Variants in POLR2D observed in about 807,000 individuals in gnomAD.
POLR2D encodes RNA polymerase II subunit D.
In POLR2D, 10 loss-of-function variants were observed where a neutral mutation model predicts 17.6. The ratio of observed to expected loss-of-function variants is 0.57; its 90% CI spans 0.35 to 0.96. POLR2D has a LOEUF of 0.96. Ranked by LOEUF, POLR2D falls within the 40% of genes least tolerant of loss-of-function variation. The probability of loss-of-function intolerance (pLI) is 0.02; values close to 1 mark genes in which losing one functional copy is unlikely to be tolerated. For missense variants in POLR2D, 126 were observed against 176.4 expected (o/e 0.71, Z 1.62); for synonymous variants, 52 against 60.2 (o/e 0.86, Z 0.63).
In POLR2D at chr2:127,848,190, A is replaced by G. The variant is rs753229137; in HGVS notation, c.351-5T>C. On this transcript the variant is annotated splice_polypyrimidine_tract_variant and splice_region_variant and intron_variant, in intron 3 of 3. Coordinates refer to ENST00000272645, the MANE Select transcript of POLR2D (RefSeq NM_004805.4). ...TCTTCAAACCGTCCCTCCAAGCTACAAGAAAATGAAAAGAAATGAGTGATT... is the reference window on the plus strand; with the variant it reads ...TCTTCAAACCGTCCCTCCAAGCTACGAGAAAATGAAAAGAAATGAGTGATT... The G allele has an allele frequency of 1.3e-6, 2 of 1,599,796 alleles. No homozygotes were observed. The highest frequency in any genetic ancestry group is 1.7e-5 in the Admixed American group (1 of 58,440).
intron 1 of POLR2D, 178 bp downstream of exon 1, chr2:127,857,850 G>T: frequency 7.6e-7 from 1 of 1,322,962 alleles, no homozygotes; most frequent in Non-Finnish European, 9.6e-7. Flanking sequence ...AGTTGCCCAG[G>T]CGGTCCCTCC....
At chr2:127,848,879 C>T (rs901265373) in intron 3 of POLR2D, among the ~76,000 whole-genome samples, 17 of 152,056 alleles carry the variant, frequency 1.1e-4, no homozygotes, top group African/African-American at 4.1e-4. Flanking sequence ...AGGCTGGTCT[C>T]GAACTCCTGA....
chr2:127,849,509 T>C (rs1690212644), intron 3 of POLR2D, among the ~76,000 whole-genome samples: 1 of 152,230 alleles, frequency 6.6e-6, no homozygotes, highest in Non-Finnish European at 1.5e-5. Flanking sequence ...CACTACACAT[T>C]TATGGATACG....
chr2:127,857,713 G>T, intron 1 of POLR2D: 1 of 805,238 alleles, frequency 1.2e-6, no homozygotes, highest in Non-Finnish European at 1.6e-6. Context: ...GGTTCACGCT[G>T]GGCTCTTTTC....
chr2:127,851,760 G>A (rs958988321), intron 2 of POLR2D, among the ~76,000 whole-genome samples: 2 of 151,948 alleles, frequency 1.3e-5, no homozygotes, highest in Non-Finnish European at 2.9e-5. Context: ...TCTATCTATA[G>A]GCTGGACATG....
chr2:127,856,580 C>G (rs1302142599), intron 1 of POLR2D, among the ~76,000 whole-genome samples: 1 of 150,210 alleles, frequency 6.7e-6, no homozygotes, highest in Non-Finnish European at 1.5e-5. Flanking sequence ...GAGTGAAACC[C>G]TATCTCAAAA....
At position 127,853,027 on chromosome 2, in the gene POLR2D, G is replaced by A; in HGVS notation, c.152C>T (p.Ala51Val). Reference protein sequence around the residue: ...LEHRKQQNESAEDEQELSEVF... With the variant: ...LEHRKQQNESVEDEQELSEVF... The stretch of plus-strand genomic sequence containing the variant: ...TTCTGAGAGCTCCTGTTCGTCCTCT[G>A]CACTCTCATTCTGCTGCTTTCGATG... Residue 51 changes from alanine to valine, a missense_variant, in exon 2 of 4, where the codon GCA becomes GTA. Ala to Val is a moderately conservative substitution (Grantham distance 64). Coordinates refer to ENST00000272645, the MANE Select transcript of POLR2D (RefSeq NM_004805.4). 1 of 1,613,052 alleles carries A rather than the reference G, an allele frequency of 6.2e-7. No homozygotes were observed. The highest frequency in any genetic ancestry group is 1.1e-5 in the South Asian group (1 of 91,062).
intron 3 of POLR2D, among the ~76,000 whole-genome samples, chr2:127,848,547 T>C (rs1354534506): frequency 1.3e-5 from 2 of 151,904 alleles, no homozygotes; most frequent in Non-Finnish European, 2.9e-5. Flanking sequence ...AACGGAGTCT[T>C]GCTCTGTCGC....
At position 127,845,898 on chromosome 2, in the gene POLR2D, G is replaced by A. The variant is rs999804563; in HGVS notation, c.*2209C>T. On this transcript the variant is annotated 3_prime_UTR_variant, in exon 4 of 4. Coordinates refer to ENST00000272645, the MANE Select transcript of POLR2D (RefSeq NM_004805.4). Reference sequence around the variant, plus strand: ...TCAACCTTCTCAAAATACCCATGGGGCAGATACTATTATCCATATTTCACA... The same window carrying A: ...TCAACCTTCTCAAAATACCCATGGGACAGATACTATTATCCATATTTCACA... 6.6e-6 allele frequency: 1 copy of A among 152,116 alleles called. No homozygotes were observed. The highest frequency in any genetic ancestry group is 2.4e-5 in the African/African-American group (1 of 41,406). The allele number at this position is 152,116 out of a possible 1,614,324, so 9.4% of individuals were successfully genotyped here.
rs1445737155 is a variant in POLR2D, at chr2:127,858,148, C to G, written c.-48G>C. On this transcript the variant is annotated 5_prime_UTR_variant, in exon 1 of 4. Transcript: ENST00000272645. ...CCACCAGCGCCGCCGGAAGCAGAAG[C>G]GCGGAGCAACGGCCGCGGAAGGGGC... 5 of 1,354,070 alleles carry G rather than the reference C, an allele frequency of 3.7e-6. No individual in the cohort carries two copies. Among genetic ancestry groups the G allele is most frequent in the Admixed American group, 3.6e-5 (1 of 27,586 alleles). The allele number at this position is 1,354,070 out of a possible 1,614,324, so 83.9% of individuals were successfully genotyped here.
rs550199982 is a variant in POLR2D, at chr2:127,852,101, T to G, written c.254+824A>C. Among the ~76,000 whole-genome samples, 110 of 152,110 alleles carry G rather than the reference T, an allele frequency of 7.2e-4. No homozygotes were observed. Among genetic ancestry groups the G allele is most frequent in the Non-Finnish European group, 1.4e-3 (98 of 68,020 alleles). On this transcript the variant is annotated intron_variant, in intron 2 of 3. Transcript: ENST00000272645. The surrounding 1 kb of genome is among the most constrained non-coding windows in gnomAD (Gnocchi z 4.0). ...ACTGCACCCGGCCAATCCCAGCACT[T>G]TGGGGGGCTAAGGTTGGAGGATCAA...
Position 127,847,685 on chromosome 2 carries a change from T to C in POLR2D, c.*422A>G, listed in dbSNP as rs1262834915. ...ACTAACAGCGGTTTAATTCTTCCTT[T>C]AGTATCTAGGTAAAACTGGTCTTTC... On this transcript the variant is annotated 3_prime_UTR_variant, in exon 4 of 4. Coordinates refer to ENST00000272645, the MANE Select transcript of POLR2D (RefSeq NM_004805.4). 2 of 173,756 alleles carry C rather than the reference T, an allele frequency of 1.2e-5. No homozygotes were observed. The highest frequency in any genetic ancestry group is 1.1e-4 in the Admixed American group (2 of 18,052). The allele number at this position is 173,756 out of a possible 1,614,324, so 10.8% of individuals were successfully genotyped here.
In POLR2D at chr2:127,851,275, C is replaced by T. The variant is rs111865448; in HGVS notation, c.255-590G>A. Among the ~76,000 whole-genome samples the T allele has an allele frequency of 6.0e-3, 907 of 151,970 alleles. 7 individuals carry two copies. The highest frequency in any genetic ancestry group is 0.021 in the African/African-American group (854 of 41,456). The stretch of plus-strand genomic sequence containing the variant: ...AAAACAAAAAACTAAAAAAATTAGC[C>T]GGGTGTGGTGGTGTGTGTCTGTAGT... On this transcript the variant is annotated intron_variant, in intron 2 of 3. Transcript: ENST00000272645.
intron 1 of POLR2D, among the ~76,000 whole-genome samples, chr2:127,853,864 G>C (rs535189376): frequency 6.6e-6 from 1 of 152,246 alleles, no homozygotes; most frequent in African/African-American, 2.4e-5. Flanking sequence ...AGGCACAGTG[G>C]AGTTCACGAG....
rs1280799241 is a variant in POLR2D, at chr2:127,852,296, A to G, written c.254+629T>C. 6.6e-6 allele frequency among the ~76,000 whole-genome samples: 1 copy of G among 152,222 alleles called. No homozygotes were observed. On this transcript the variant is annotated intron_variant, in intron 2 of 3. Coordinates refer to ENST00000272645, the MANE Select transcript of POLR2D (RefSeq NM_004805.4). The surrounding 1 kb of genome is among the most constrained non-coding windows in gnomAD (Gnocchi z 4.0). Reference sequence around the variant, plus strand: ...TTTGAATCTGTTCCCAGACTGGAGTACAGTGGCACAATCACAGCTCACTAA... The same window carrying G: ...TTTGAATCTGTTCCCAGACTGGAGTGCAGTGGCACAATCACAGCTCACTAA...
At chr2:127,857,990 G>A in intron 1 of POLR2D, 38 bp downstream of exon 1, 6 of 1,571,210 alleles carry the variant, frequency 3.8e-6, no homozygotes, top group Non-Finnish European at 3.4e-6. Context: ...GCGACCACGC[G>A]AAGTGGCGCG....
chr2:127,847,901 C>G lies in POLR2D; in HGVS notation c.*206G>C. Reference sequence around the variant, plus strand: ...TTCAGGAAGCCACTGGCTGCCACTGCACAAGGCTGCTCCAAGATTCCATGT... The same window carrying G: ...TTCAGGAAGCCACTGGCTGCCACTGGACAAGGCTGCTCCAAGATTCCATGT... On this transcript the variant is annotated 3_prime_UTR_variant, in exon 4 of 4. Transcript: ENST00000272645. 1.7e-6 allele frequency: 1 copy of G among 594,200 alleles called. No individual in the cohort carries two copies. 36.8% of individuals were successfully genotyped at this position (594,200 alleles called of 1,614,324 possible).
chr2:127,844,530 A>G lies in POLR2D; in HGVS notation c.*3577T>C, dbSNP rs1211164850. On this transcript the variant is annotated 3_prime_UTR_variant, in exon 4 of 4. Transcript: ENST00000272645. ...AAGGTCTCCTAATAGCTATTTTTCA[A>G]TAGCAATATGCTGTCCAGCCCTGTA... is the stretch of plus-strand genomic sequence containing the variant. The G allele has an allele frequency of 6.6e-6, 1 of 152,230 alleles. No individual in the cohort carries two copies. The highest frequency in any genetic ancestry group is 1.5e-5 in the Non-Finnish European group (1 of 68,056). The allele number at this position is 152,230 out of a possible 1,614,324, so 9.4% of individuals were successfully genotyped here.
rs910308897 is a variant in POLR2D, at chr2:127,843,874, G to T, written c.*4233C>A. ...CTCTAATCTCAGCATTTGGGAGGCG[G>T]AAACAGGTGGACTGCTAGAGGTCAG... On this transcript the variant is annotated 3_prime_UTR_variant, in exon 4 of 4. Coordinates refer to ENST00000272645, the MANE Select transcript of POLR2D (RefSeq NM_004805.4). 4 of 153,572 alleles carry T rather than the reference G, an allele frequency of 2.6e-5. No homozygotes were observed. Among genetic ancestry groups the T allele is most frequent in the African/African-American group, 9.7e-5 (4 of 41,362 alleles). The allele number at this position is 153,572 out of a possible 1,614,324, so 9.5% of individuals were successfully genotyped here. A position where few individuals can be genotyped will look rare whatever the true frequency, so the allele number is the denominator to read the frequency against.
Sources: allele counts gnomAD v4.1 joint callset (sites outside exome capture counted in the v4.1 genomes callset), GRCh38; gene constraint gnomAD v4.1.1; non-coding constraint Gnocchi (gnomAD v3.1); transcripts MANE v1.5; gene names NCBI Gene and HGNC (gene_info 2026-07-23, HGNC 2026-07-21).